Variants in NPHP4 observed in about 807,000 individuals in gnomAD.
NPHP4 encodes nephrocystin-4.
NPHP4 carries 151 observed loss-of-function variants against 155.8 expected under a neutral mutation model. The observed-to-expected ratio is 0.97, with a 90% CI of 0.85 to 1.11. The LOEUF (loss-of-function observed/expected upper bound fraction) is 1.11. NPHP4 is among the 50% of genes least tolerant of loss of function. The probability of loss-of-function intolerance (pLI) is 0.00; values close to 1 mark genes in which losing one functional copy is unlikely to be tolerated. For missense variants in NPHP4, 1,956 were observed against 1,925.7 expected (o/e 1.02, Z -0.29); for synonymous variants, 845 against 816.8 (o/e 1.03, Z -0.59).
chr1:5,950,861 C>A (rs1031579928), intron 7 of NPHP4, among the ~76,000 whole-genome samples: 8 of 152,150 alleles, frequency 5.3e-5, no homozygotes, highest in African/African-American at 1.9e-4. Context: ...CTGAAAATAG[C>A]CCAAAAGTCC....
chr1:5,970,632 C>T (rs1652388876), intron 3 of NPHP4, among the ~76,000 whole-genome samples: 1 of 152,036 alleles, frequency 6.6e-6, no homozygotes, highest in Admixed American at 6.5e-5. Flanking sequence ...ACCCCAACAC[C>T]CCAGCTGGGG....
At chr1:5,982,109 T>C (rs11120951) in intron 2 of NPHP4, among the ~76,000 whole-genome samples, 3,170 of 151,034 alleles carry the variant, frequency 0.021, 89 homozygotes, top group African/African-American at 0.07. Context: ...TGTGTTTTCT[T>C]TTTTTTTTGT....
chr1:5,888,444 G>A, intron 17 of NPHP4: 1 of 1,129,710 alleles, frequency 8.9e-7, no homozygotes, highest in South Asian at 1.9e-5. Context: ...CTGTCTCTGG[G>A]AGTGAGACGC....
At chr1:5,914,257 C>CAA (rs575438284) in intron 11 of NPHP4, among the ~76,000 whole-genome samples, 693 of 47,384 alleles carry the variant, frequency 0.015, 119 homozygotes, top group South Asian at 0.052. Context: ...CTTATCTATA[C>CAA]AAAAAAAAAA....
At chr1:5,884,869 CCT>C (rs536918083) in intron 18 of NPHP4, among the ~76,000 whole-genome samples, 39 of 149,104 alleles carry the variant, frequency 2.6e-4, no homozygotes, top group African/African-American at 7.4e-4. Context: ...CAGCCGAGCC[CCT>C]GTCCTACTCC....
chr1:5,923,345 G>C (rs973684540), intron 11 of NPHP4, among the ~76,000 whole-genome samples: 1 of 152,172 alleles, frequency 6.6e-6, no homozygotes, highest in African/African-American at 2.4e-5. Flanking sequence ...TGGACTTCAG[G>C]CAACAAAGGA....
At chr1:5,937,017 C>T (rs1238257258) in intron 9 of NPHP4, among the ~76,000 whole-genome samples, 1 of 152,174 alleles carries the variant, frequency 6.6e-6, no homozygotes, top group African/African-American at 2.4e-5. Context: ...GGGCGGAGAA[C>T]GGAGTGATAT....
intron 4 of NPHP4, 29 bp from the exon 5 acceptor site, chr1:5,967,392 T>C (rs1425139978): frequency 6.4e-7 from 1 of 1,572,214 alleles, no homozygotes; most frequent in East Asian, 2.3e-5. Context: ...AGAACAGTCG[T>C]CAGCCACGTG....
In NPHP4 at chr1:5,985,673, T is replaced by G. The variant is rs942802624; in HGVS notation, c.135+482A>C. On this transcript the variant is annotated intron_variant, in intron 2 of 29. Coordinates refer to ENST00000378156, the MANE Select transcript of NPHP4 (RefSeq NM_015102.5). ...CTGACCATGTCATTGAATCATAGAT[T>G]CTCTTTGCTGATGGGCCACTTTGCA... 2.0e-5 allele frequency among the ~76,000 whole-genome samples: 3 copies of G among 152,164 alleles called. 1 individual carries two copies. In the South Asian group the frequency reaches 6.2e-4, roughly 32 times the overall value.
intron 5 of NPHP4, among the ~76,000 whole-genome samples, chr1:5,964,932 TA>T (rs1398247391): frequency 2.1e-4 from 10 of 48,622 alleles, no homozygotes; most frequent in African/African-American, 1.2e-3. Flanking sequence ...TATATATATA[TA>T]TATATATATT....
intron 13 of NPHP4, among the ~76,000 whole-genome samples, chr1:5,906,244 G>A (rs1057196058): frequency 2.0e-5 from 3 of 152,226 alleles, no homozygotes; most frequent in African/African-American, 7.2e-5. Flanking sequence ...CCTGGCTGGC[G>A]TGTTTGGACA....
In NPHP4 at chr1:5,987,190, C is replaced by T. The variant is rs557741463; in HGVS notation, c.-38-863G>A. Among the ~76,000 whole-genome samples the T allele has an allele frequency of 3.3e-4, 50 of 152,106 alleles. No individual in the cohort carries two copies. In the South Asian group the frequency reaches 7.1e-3, roughly 22 times the overall value. On this transcript the variant is annotated intron_variant, in intron 1 of 29. Coordinates refer to ENST00000378156, the MANE Select transcript of NPHP4 (RefSeq NM_015102.5). Reference sequence around the variant, plus strand: ...ACCAGCTTCTTGGTGGGTCTTGGCCCGTTTTGAGTGTTATCTGATCCTGTC... The same window carrying T: ...ACCAGCTTCTTGGTGGGTCTTGGCCTGTTTTGAGTGTTATCTGATCCTGTC...
chr1:5,960,948 T>A (rs1460122724), intron 6 of NPHP4, among the ~76,000 whole-genome samples: 1 of 152,172 alleles, frequency 6.6e-6, no homozygotes, highest in Non-Finnish European at 1.5e-5. Flanking sequence ...GCTCAAGTGT[T>A]AACTGATGAA....
chr1:5,925,128 T>C (rs1469346513), intron 11 of NPHP4, among the ~76,000 whole-genome samples: 1 of 152,202 alleles, frequency 6.6e-6, no homozygotes, highest in Non-Finnish European at 1.5e-5. Flanking sequence ...AAAATCAGAG[T>C]ACAGAGTGGA....
Position 5,864,459 on chromosome 1 carries a change from C to T in NPHP4, c.3875G>A (p.Gly1292Asp). The T allele has an allele frequency of 1.2e-6, 2 of 1,605,528 alleles. No individual in the cohort carries two copies. Among genetic ancestry groups the T allele is most frequent in the East Asian group, 2.2e-5 (1 of 44,450 alleles). Residue 1292 changes from glycine (G) to aspartate (D), a missense_variant, in exon 28 of 30, where the codon GGC becomes GAC. Transcript: ENST00000378156. Reference sequence around the variant, plus strand: ...GCTGCCGGCCCTAAGGGGCCTCACGCCAACATGCAGGTCCTGCACCCCACG... The same window carrying T: ...GCTGCCGGCCCTAAGGGGCCTCACGTCAACATGCAGGTCCTGCACCCCACG... ...PPRGVQDLHV[G>D]VRPLRAGSRF...
Position 5,874,670 on chromosome 1 carries a change from G to C in NPHP4, c.3045-13C>G, listed in dbSNP as rs1642379364. On this transcript the variant is annotated splice_polypyrimidine_tract_variant and intron_variant, in intron 21 of 29. Coordinates refer to ENST00000378156, the MANE Select transcript of NPHP4 (RefSeq NM_015102.5). ...GTCCACGATGACGCTGGGGGAGGCA[G>C]TGTCCAGGCGTCAGGGCAGTTCTTC... 1.2e-6 allele frequency: 2 copies of C among 1,609,716 alleles called. No homozygotes were observed. Among genetic ancestry groups the C allele is most frequent in the Admixed American group, 1.7e-5 (1 of 59,772 alleles).
chr1:5,981,229 C>T (rs1354894483), intron 2 of NPHP4, among the ~76,000 whole-genome samples: 1 of 152,206 alleles, frequency 6.6e-6, no homozygotes, highest in South Asian at 2.1e-4. Flanking sequence ...CCAGAACCGT[C>T]GCTGGCTTGG....
At chr1:5,986,823 A>G (rs1655559732) in intron 1 of NPHP4, among the ~76,000 whole-genome samples, 3 of 152,106 alleles carry the variant, frequency 2.0e-5, no homozygotes, top group African/African-American at 4.8e-5. Context: ...GGATGGGGAC[A>G]TGAAGGGATG....
Position 5,875,095 on chromosome 1 carries a change from C to T in NPHP4, c.2823G>A (p.Gln941=), listed in dbSNP as rs1284379518. ...GCAAGTGCTGTGTGCGGACGCTCTG[C>T]TGCGCCTGCAGACAAGAGGACATGG... ...LGRRGTSVLA[Q]QSVRTQHLRD... The change falls in exon 21 of 30, where the codon CAG becomes CAA. Residue 941 remains glutamine (Q), a synonymous_variant. Transcript: ENST00000378156. 3.7e-6 allele frequency: 6 copies of T among 1,600,310 alleles called. No individual in the cohort carries two copies. Among genetic ancestry groups the T allele is most frequent in the Non-Finnish European group, 5.1e-6 (6 of 1,177,180 alleles).
Sources: gnomAD v4.1 joint callset for allele counts (sites outside exome capture counted in the v4.1 genomes callset) on GRCh38, gnomAD v4.1.1 for gene constraint, MANE v1.5 for transcripts, NCBI Gene and HGNC (gene_info 2026-07-23, HGNC 2026-07-21) for gene names.